Variants in EIF4G3 observed in about 807,000 individuals in gnomAD.
EIF4G3 encodes the protein eIF-4-gamma 3.
EIF4G3 carries 34 observed loss-of-function variants against 186.4 expected under a neutral mutation model. The ratio of observed to expected loss-of-function variants is 0.18; its 90% CI spans 0.14 to 0.24. The LOEUF (loss-of-function observed/expected upper bound fraction) is 0.24, where lower values mean the gene tolerates loss of function less well. EIF4G3 is among the 10% of genes least tolerant of loss of function. The probability of loss-of-function intolerance (pLI) is 1.00; values close to 1 mark genes in which losing one functional copy is unlikely to be tolerated. For missense variants in EIF4G3, 1,536 were observed against 1,948.5 expected (o/e 0.79, Z 3.99); for synonymous variants, 673 against 679.5 (o/e 0.99, Z 0.15).
intron 2 of EIF4G3, among the ~76,000 whole-genome samples, chr1:21,121,376 AAAAT>A (rs1372127676): frequency 3.3e-5 from 5 of 152,226 alleles, no homozygotes; most frequent in African/African-American, 4.8e-5. Context: ...TCAAAAGTTT[AAAAT>A]AAATACATGT....
intron 14 of EIF4G3, among the ~76,000 whole-genome samples, chr1:20,938,141 C>T (rs572217121): frequency 2.0e-5 from 3 of 152,090 alleles, no homozygotes; most frequent in African/African-American, 7.2e-5. Flanking sequence ...GGATTACAGG[C>T]GCATCACCAC....
At chr1:20,872,947 G>C (rs1340486222) in intron 20 of EIF4G3, among the ~76,000 whole-genome samples, 3 of 152,102 alleles carry the variant, frequency 2.0e-5, no homozygotes, top group Admixed American at 1.3e-4. Flanking sequence ...ATGTTGGCCA[G>C]GCTGGCCTTG....
intron 2 of EIF4G3, among the ~76,000 whole-genome samples, chr1:21,150,703 G>A (rs532041334): frequency 1.3e-5 from 2 of 152,198 alleles, no homozygotes; most frequent in African/African-American, 2.4e-5. Context: ...CTGGCCGGGT[G>A]CGGTGGCTCA....
At chr1:21,094,933 C>T (rs1031410510) in intron 2 of EIF4G3, among the ~76,000 whole-genome samples, 4 of 152,024 alleles carry the variant, frequency 2.6e-5, no homozygotes, top group Admixed American at 6.6e-5. Context: ...CAGGATCCCT[C>T]GAGCCCAAAT....
chr1:20,864,541 ATTC>A lies in EIF4G3; in HGVS notation c.2938_2940del (p.Glu980del). 1 of 1,614,186 alleles carries A rather than the reference ATTC, an allele frequency of 6.2e-7. No individual in the cohort carries two copies. Among genetic ancestry groups the A allele is most frequent in the South Asian group, 1.1e-5 (1 of 91,078 alleles). ...AGCAGGCGACACAGGCACTCCAGGGATTCTTCATCATGGTTCTTTAGCAGCTTC... is the reference window on the plus strand; with the variant it reads ...AGCAGGCGACACAGGCACTCCAGGGATTCATCATGGTTCTTTAGCAGCTTC... On this transcript the variant is annotated inframe_deletion, in exon 22 of 37. Coordinates refer to ENST00000602326, the MANE Select transcript of EIF4G3 (RefSeq NM_001391906.1).
At chr1:20,980,270 A>C (rs900138371) in intron 10 of EIF4G3, 64 bp downstream of exon 10, 1 of 1,210,170 alleles carries the variant, frequency 8.3e-7, no homozygotes, top group Non-Finnish European at 1.1e-6. Context: ...AAACCAACCC[A>C]CCAAGCAACA....
intron 12 of EIF4G3, among the ~76,000 whole-genome samples, chr1:20,964,918 C>G (rs1325810144): frequency 6.6e-6 from 1 of 152,176 alleles, no homozygotes; most frequent in Non-Finnish European, 1.5e-5. Context: ...GGACATGGAC[C>G]TTAATAAAGG....
rs936355202 is a variant in EIF4G3 at position 20,981,769 on chromosome 1, CTG to C, written c.199-544_199-543del. ...ACATACATATATGTATACACACATACTGTATATATACATACATATATGTATAC... is the reference window on the plus strand; with the variant it reads ...ACATACATATATGTATACACACATACTATATATACATACATATATGTATAC... On this transcript the variant is annotated intron_variant, in intron 8 of 36. Coordinates refer to ENST00000602326, the MANE Select transcript of EIF4G3 (RefSeq NM_001391906.1). Among the ~76,000 whole-genome samples, 59 of 151,010 alleles carry C rather than the reference CTG, an allele frequency of 3.9e-4. 1 individual carries two copies. Among genetic ancestry groups the C allele is most frequent in the African/African-American group, 1.2e-3 (51 of 41,106 alleles).
chr1:20,814,764 CCCCTCCCCCTCCCCCTCCCCCTCT>C (rs1557738039), intron 34 of EIF4G3, among the ~76,000 whole-genome samples: 4 of 57,034 alleles, frequency 7.0e-5, no homozygotes, highest in South Asian at 1.1e-3. Flanking sequence ...CCTCCCCCTC[CCCCTCCCCCTCCCCCTCCCCCTCT>C]CCCTCTCCCC....
In EIF4G3 at chr1:20,999,771, G is replaced by A. The variant is rs1282864811; in HGVS notation, c.144+1428C>T. 3 of 445,458 alleles carry A rather than the reference G, an allele frequency of 6.7e-6. No homozygotes were observed. The Admixed American group carries it at 7.4e-5, about 11-fold the overall frequency. The allele number at this position is 445,458 out of a possible 1,614,324, so 27.6% of individuals were successfully genotyped here. A position where few individuals can be genotyped will look rare whatever the true frequency, so the allele number is the denominator to read the frequency against. ...AATGACAATAGTCTTAATCCTATGG[G>A]TAGCTGTAAGCAACAGAACAAACTG... On this transcript the variant is annotated intron_variant, in intron 6 of 36. Transcript: ENST00000602326.
rs1261231970 is a variant in EIF4G3 at position 20,981,216 on chromosome 1, C to A, written c.210G>T (p.Arg70Ser). 1.3e-6 allele frequency: 2 copies of A among 1,589,188 alleles called. No individual in the cohort carries two copies. The highest frequency in any genetic ancestry group is 1.2e-5 in the South Asian group (1 of 86,176). The change falls in exon 9 of 37, where the codon AGG (arginine) becomes AGT (serine). Residue 70 changes from arginine (R) to serine (S), a missense_variant. By Grantham distance (110) the Arg-to-Ser change is moderately radical. This residue lies in a region of EIF4G3 where 194 missense variants were observed against 212.8 expected (regional missense o/e 0.91). Coordinates refer to ENST00000602326, the MANE Select transcript of EIF4G3 (RefSeq NM_001391906.1). ...GGFRPIQFFQ[R>S]PQIQPPRATI... ...TAGCTCTAGGAGGCTGTATTTGAGG[C>A]CTCTGGAAAAACTGGGAAGGGGAGA...
At chr1:20,885,529 C>T (rs905831057) in intron 19 of EIF4G3, among the ~76,000 whole-genome samples, 2 of 152,222 alleles carry the variant, frequency 1.3e-5, no homozygotes, top group East Asian at 3.9e-4. Context: ...ATCTGTGATG[C>T]CTGGCTCTGG....
intron 12 of EIF4G3, among the ~76,000 whole-genome samples, chr1:20,957,923 A>C (rs2096476809): frequency 6.6e-6 from 1 of 152,118 alleles, no homozygotes; most frequent in East Asian, 1.9e-4. Context: ...CCAACACACA[A>C]AAAAAGCCTG....
intron 2 of EIF4G3, among the ~76,000 whole-genome samples, chr1:21,142,785 G>C (rs2097362629): frequency 6.6e-6 from 1 of 152,018 alleles, no homozygotes; most frequent in South Asian, 2.1e-4. Context: ...AAAATGTTGA[G>C]TGCAGCATGG....
intron 20 of EIF4G3, among the ~76,000 whole-genome samples, chr1:20,878,914 T>A (rs577283247): frequency 6.6e-6 from 1 of 152,328 alleles, no homozygotes; most frequent in South Asian, 2.1e-4. Flanking sequence ...AGAACAACTA[T>A]CCTTTCATTT....
rs994472097 is a variant in EIF4G3 at position 20,941,802 on chromosome 1, T to G, written c.1352A>C (p.Glu451Ala). Residue 451 changes from glutamate to alanine, a missense_variant, in exon 14 of 37, where the codon GAA becomes GCA. Physicochemically the swap from Glu to Ala is moderately radical, Grantham distance 107 (BLOSUM62 -1). Transcript: ENST00000602326. ...TGGGATACACTCCAGTTTCATTTCT[T>G]CTGGGGGATTTTCGAGAATCTCCAA... ...LELEILENPP[E>A]EMKLECIPAP... The G allele has an allele frequency of 6.2e-7, 1 of 1,613,696 alleles. No homozygotes were observed. Among genetic ancestry groups the G allele is most frequent in the African/African-American group, 1.3e-5 (1 of 74,996 alleles).
chr1:20,860,667 G>A (rs771999998), intron 23 of EIF4G3, 150 bp from the exon 24 acceptor site: 2 of 919,428 alleles, frequency 2.2e-6, no homozygotes, highest in South Asian at 3.7e-5. Context: ...ATGACACTAT[G>A]AGCAGTTTAG....
chr1:21,121,789 A>AC (rs1360262599), intron 2 of EIF4G3, among the ~76,000 whole-genome samples: 1 of 152,012 alleles, frequency 6.6e-6, no homozygotes, highest in Non-Finnish European at 1.5e-5. Flanking sequence ...AAAAAAAAAA[A>AC]ACTAATCCAT....
intron 4 of EIF4G3, among the ~76,000 whole-genome samples, chr1:21,014,704 G>C (rs2088344555): frequency 1.6e-5 from 2 of 122,208 alleles, no homozygotes; most frequent in Admixed American, 9.4e-5. Context: ...GCACAATCTT[G>C]GCTCACTGCA....
Sources: gnomAD v4.1 joint callset for allele counts (sites outside exome capture counted in the v4.1 genomes callset) on GRCh38, gnomAD v4.1.1 for gene constraint, gnomAD v4.1.1 regional missense constraint, MANE v1.5 for transcripts, NCBI Gene and HGNC (gene_info 2026-07-23, HGNC 2026-07-21) for gene names.